Variants in RPRD2 observed in about 807,000 individuals in gnomAD.
RPRD2 encodes regulation of nuclear pre-mRNA domain containing 2, also known as regulation of nuclear pre-mRNA domain-containing protein 2.
In RPRD2, 12 loss-of-function variants were observed where a neutral mutation model predicts 104.4. That is an observed-to-expected ratio of 0.11 (90% confidence interval 0.07 to 0.19). The LOEUF is 0.19. RPRD2 is among the 10% of genes least tolerant of loss of function. The pLI, the probability that RPRD2 is intolerant of heterozygous loss-of-function variation, is 1.00. For missense variants in RPRD2, 1,543 were observed against 1,790.1 expected, an observed-to-expected ratio of 0.86 and a Z score of 2.49; for synonymous variants, 714 against 684.9, an observed-to-expected ratio of 1.04 and a Z score of -0.66.
intron 9 of RPRD2, 77 bp downstream of exon 9, chr1:150,460,394 GGTTGTT>G (rs72430251): frequency 1.1e-3 from 1,217 of 1,065,840 alleles, no homozygotes; most frequent in Non-Finnish European, 1.3e-3. Flanking sequence ...TTTTTGGGGG[GGTTGTT>G]GTTGTTGTTG....
chr1:150,472,630 T>G lies in RPRD2; in HGVS notation c.3682T>G (p.Ser1228Ala). 6.2e-7 allele frequency: 1 copy of G among 1,613,904 alleles called. No individual in the cohort carries two copies. Among genetic ancestry groups the G allele is most frequent in the Non-Finnish European group, 8.5e-7 (1 of 1,179,836 alleles). Residue 1228 changes from serine to alanine, a missense_variant, in exon 11 of 11, where the codon TCT becomes GCT. Transcript: ENST00000369068. The part of the protein sequence containing the change: ...VPPKDHGGIF[S>A]RDAPTHLPSV... ...TCCTAAGGATCATGGTGGTATCTTC[T>G]CTCGAGATGCACCCACTCATCTACC... is the stretch of plus-strand genomic sequence containing the variant.
chr1:150,460,397 T>A, intron 9 of RPRD2, 80 bp downstream of exon 9: 1 of 347,926 alleles, frequency 2.9e-6, no homozygotes, highest in Non-Finnish European at 4.1e-6. Flanking sequence ...TTGGGGGGGT[T>A]GTTGTTGTTG....
intron 7 of RPRD2, among the ~76,000 whole-genome samples, chr1:150,451,500 C>T (rs929338162): frequency 6.6e-6 from 1 of 151,294 alleles, no homozygotes; most frequent in Non-Finnish European, 1.5e-5. Context: ...TCGTGAAACC[C>T]CGTCTCCACT....
At chr1:150,458,269 A>T (rs1667679866) in intron 8 of RPRD2, among the ~76,000 whole-genome samples, 1 of 152,200 alleles carries the variant, frequency 6.6e-6, no homozygotes, top group Non-Finnish European at 1.5e-5. Flanking sequence ...AGCCTGGGCA[A>T]CATAGTGAAA....
intron 2 of RPRD2, among the ~76,000 whole-genome samples, chr1:150,436,732 C>T (rs2102341026): frequency 6.6e-6 from 1 of 151,898 alleles, no homozygotes; most frequent in Non-Finnish European, 1.5e-5. Flanking sequence ...CATGGTGAAA[C>T]CCCGTCTCTA....
intron 2 of RPRD2, among the ~76,000 whole-genome samples, chr1:150,418,740 G>A (rs1027942704): frequency 6.6e-6 from 1 of 152,140 alleles, no homozygotes; most frequent in Non-Finnish European, 1.5e-5. Context: ...GGCTGAGCAC[G>A]GTGGCTCACG....
chr1:150,394,713 C>G (rs1430053212), intron 1 of RPRD2, among the ~76,000 whole-genome samples: 1 of 152,082 alleles, frequency 6.6e-6, no homozygotes, highest in African/African-American at 2.4e-5. Flanking sequence ...ACCTCAGCCT[C>G]CAGAGTAGGT....
rs140462129 is a variant in RPRD2, at chr1:150,398,419, A to G, written c.206-19177A>G. On this transcript the variant is annotated intron_variant, in intron 1 of 10. Transcript: ENST00000369068. ...CACTGTGTTAGCCAGGATGGTCTCG[A>G]TCTCCTGACCTCGTGATCTGCCCAC... Among the ~76,000 whole-genome samples, 504 of 152,006 alleles carry G rather than the reference A, an allele frequency of 3.3e-3. 36 individuals are homozygous for G. In the East Asian group the frequency reaches 0.093, roughly 28 times the overall value.
intron 2 of RPRD2, among the ~76,000 whole-genome samples, chr1:150,438,134 A>G (rs1666141955): frequency 6.6e-6 from 1 of 151,412 alleles, no homozygotes; most frequent in South Asian, 2.1e-4. Flanking sequence ...AAATATATAT[A>G]CAAAAATTAG....
At chr1:150,431,472 G>GTTTTTTTTTTTTTTTTTTT (rs1553891696) in intron 2 of RPRD2, among the ~76,000 whole-genome samples, 10 of 65,750 alleles carry the variant, frequency 1.5e-4, no homozygotes, top group Admixed American at 5.3e-4. Context: ...AAAAAGGAAG[G>GTTTTTTTTTTTTTTTTTTT]ATTTTTTTTT....
At chr1:150,417,239 C>T (rs1052367624) in intron 1 of RPRD2, among the ~76,000 whole-genome samples, 2 of 151,880 alleles carry the variant, frequency 1.3e-5, no homozygotes, top group Non-Finnish European at 2.9e-5. Flanking sequence ...TCCAGAGTTA[C>T]TGGGTCTTTT....
At position 150,447,280 on chromosome 1, in the gene RPRD2, C is replaced by G. The variant is rs184262148; in HGVS notation, c.870+879C>G. Among the ~76,000 whole-genome samples the G allele has an allele frequency of 2.0e-5, 3 of 151,244 alleles. No homozygotes were observed. In the South Asian group the frequency reaches 6.2e-4, roughly 31 times the overall value. On this transcript the variant is annotated intron_variant, in intron 7 of 10. Coordinates refer to ENST00000369068, the MANE Select transcript of RPRD2 (RefSeq NM_015203.5). ...CTTACTTTTTTTCTTAACCAGAAAA[C>G]TGGATGGAAACATCCTGTTACCAAA...
chr1:150,462,745 C>T (rs1026863635), intron 9 of RPRD2, among the ~76,000 whole-genome samples: 7 of 152,046 alleles, frequency 4.6e-5, no homozygotes, highest in African/African-American at 7.2e-5. Context: ...TTGGTAGAGA[C>T]GGGCTTTTAC....
At chr1:150,414,233 A>G (rs1464864689) in intron 1 of RPRD2, among the ~76,000 whole-genome samples, 2 of 152,236 alleles carry the variant, frequency 1.3e-5, no homozygotes, top group Admixed American at 6.5e-5. Context: ...GGAGGTGATT[A>G]TGCTGATAGC....
rs1213960455 is a variant in RPRD2 at position 150,472,538 on chromosome 1, C to G, written c.3590C>G (p.Ser1197Cys). 1 of 1,613,844 alleles carries G rather than the reference C, an allele frequency of 6.2e-7. No individual in the cohort carries two copies. Reference sequence around the variant, plus strand: ...ACATTTGAGCATCATCTTCCCCCATCCCCCTTGGAACATGGGACACCCTTC... The same window carrying G: ...ACATTTGAGCATCATCTTCCCCCATGCCCCTTGGAACATGGGACACCCTTC... ...NSTFEHHLPP[S>C]PLEHGTPFQR... Residue 1197 changes from serine (S) to cysteine (C), a missense_variant, in exon 11 of 11, where the codon TCC (serine) becomes TGC (cysteine). This residue lies in a region of RPRD2 where 880 missense variants were observed against 885.6 expected (regional missense o/e 0.99). Coordinates refer to ENST00000369068, the MANE Select transcript of RPRD2 (RefSeq NM_015203.5).
chr1:150,459,273 G>C, intron 8 of RPRD2, among the ~76,000 whole-genome samples: 1 of 152,276 alleles, frequency 6.6e-6, no homozygotes, highest in Non-Finnish European at 1.5e-5. Context: ...GTGATTGAGA[G>C]TTAAAACATT....
chr1:150,380,383 A>G (rs1412629983), intron 1 of RPRD2, among the ~76,000 whole-genome samples: 1 of 151,224 alleles, frequency 6.6e-6, no homozygotes, highest in Admixed American at 6.6e-5. Context: ...TTCTCTTATC[A>G]TATTACCCTA....
chr1:150,379,537 G>A (rs587692223), intron 1 of RPRD2, among the ~76,000 whole-genome samples: 3 of 152,032 alleles, frequency 2.0e-5, no homozygotes, highest in African/African-American at 7.2e-5. Flanking sequence ...TGAGTAGCTG[G>A]GATTACAGGC....
At position 150,387,972 on chromosome 1, in the gene RPRD2, A is replaced by G. The variant is rs1203248831; in HGVS notation, c.205+23053A>G. On this transcript the variant is annotated intron_variant, in intron 1 of 10. Coordinates refer to ENST00000369068, the MANE Select transcript of RPRD2 (RefSeq NM_015203.5). ...CACTCTGTCACCCAGGCTGGAGTGC[A>G]GTGGTGTGATCTCAGCTCAATGTAA... 2.3e-5 allele frequency among the ~76,000 whole-genome samples: 3 copies of G among 130,596 alleles called. No homozygotes were observed. The Admixed American group carries it at 2.7e-4, about 12-fold the overall frequency. The allele number at this position is 130,596 out of a possible 152,430, so 85.7% of individuals were successfully genotyped here.
Sources: allele counts gnomAD v4.1 joint callset (sites outside exome capture counted in the v4.1 genomes callset), GRCh38; gene constraint gnomAD v4.1.1; regional missense constraint gnomAD v4.1.1; transcripts MANE v1.5; gene names NCBI Gene and HGNC (gene_info 2026-07-23, HGNC 2026-07-21).